NALF1: variants seen among roughly 807,000 people sequenced by gnomAD.
The protein encoded by NALF1 is NALCN channel auxiliary factor 1.
Under a neutral mutation model 48.4 loss-of-function variants are expected in NALF1, and 3 were observed. The observed-to-expected ratio is 0.06, with a 90% CI of 0.03 to 0.16. NALF1 has a LOEUF of 0.16. NALF1 is among the 10% of genes least tolerant of loss of function. The probability of loss-of-function intolerance (pLI) is 1.00; values close to 1 mark genes in which losing one functional copy is unlikely to be tolerated. For synonymous variants in NALF1, 262 were observed against 245.7 expected (o/e 1.07, Z -0.62); for missense variants, 526 against 571.5 (o/e 0.92, Z 0.81).
chr13:107,859,821 AG>A (rs1432441199), intron 1 of NALF1, among the ~76,000 whole-genome samples: 17 of 149,426 alleles, frequency 1.1e-4, no homozygotes, highest in African/African-American at 3.7e-4. Flanking sequence ...AGACTGAGGC[AG>A]GAGAATCGCT....
chr13:107,612,337 G>A (rs2138433571), intron 1 of NALF1, among the ~76,000 whole-genome samples: 1 of 152,194 alleles, frequency 6.6e-6, no homozygotes, highest in East Asian at 1.9e-4. Context: ...ACGTTCTAGA[G>A]ATCTGTTGTA....
intron 1 of NALF1, among the ~76,000 whole-genome samples, chr13:107,403,123 G>A (rs187465921): frequency 1.4e-5 from 2 of 141,930 alleles, no homozygotes; most frequent in Admixed American, 7.2e-5. Flanking sequence ...GGCTCACAAA[G>A]GACTAGTGTC....
intron 1 of NALF1, among the ~76,000 whole-genome samples, chr13:107,725,148 T>C (rs1011733696): frequency 5.2e-4 from 79 of 152,330 alleles, no homozygotes; most frequent in African/African-American, 1.9e-3. Context: ...GATAATCAGA[T>C]TTATTTTTGT....
At chr13:107,765,685 A>C (rs1158966298) in intron 1 of NALF1, among the ~76,000 whole-genome samples, 1 of 152,152 alleles carries the variant, frequency 6.6e-6, no homozygotes, top group Non-Finnish European at 1.5e-5. Context: ...TTTATTTATA[A>C]TAAATGGAAA....
intron 1 of NALF1, among the ~76,000 whole-genome samples, chr13:107,745,084 C>T (rs1464086000): frequency 1.3e-5 from 2 of 152,196 alleles, no homozygotes; most frequent in African/African-American, 2.4e-5. Context: ...AATAGATATT[C>T]CAGTCCACGG....
intron 1 of NALF1, among the ~76,000 whole-genome samples, chr13:107,504,871 C>A (rs115909637): frequency 6.6e-6 from 1 of 152,170 alleles, no homozygotes; most frequent in South Asian, 2.1e-4. Flanking sequence ...TCTCCAGACA[C>A]GTCTGTCTAC....
intron 1 of NALF1, among the ~76,000 whole-genome samples, chr13:107,236,804 AT>A (rs1880359817): frequency 6.6e-6 from 1 of 152,122 alleles, no homozygotes; most frequent in Non-Finnish European, 1.5e-5. Context: ...CAAATAAAAA[AT>A]ATTTGGAAAA....
intron 1 of NALF1, among the ~76,000 whole-genome samples, chr13:107,765,680 T>G (rs1877400016): frequency 6.6e-6 from 1 of 152,136 alleles, no homozygotes; most frequent in African/African-American, 2.4e-5. Flanking sequence ...TCCTTTTTAT[T>G]TATAATAAAT....
chr13:107,571,725 T>C (rs1877992050), intron 1 of NALF1, among the ~76,000 whole-genome samples: 3 of 152,134 alleles, frequency 2.0e-5, no homozygotes, highest in Admixed American at 6.5e-5. Flanking sequence ...AATGAGCCAA[T>C]AATGTGTGTG....
At chr13:107,561,413 T>C (rs150814491) in intron 1 of NALF1, among the ~76,000 whole-genome samples, 15 of 152,324 alleles carry the variant, frequency 9.8e-5, no homozygotes, top group Non-Finnish European at 2.2e-4. Flanking sequence ...TTTCTTATGT[T>C]ACCTTGTGAT....
intron 1 of NALF1, among the ~76,000 whole-genome samples, chr13:107,457,223 G>T (rs1884838572): frequency 1.3e-5 from 2 of 152,084 alleles, no homozygotes; most frequent in African/African-American, 4.8e-5. Context: ...ATCACAAATG[G>T]TAATAGCATT....
At chr13:107,200,932 T>C (rs1029699588) in intron 2 of NALF1, among the ~76,000 whole-genome samples, 4 of 152,172 alleles carry the variant, frequency 2.6e-5, no homozygotes, top group Non-Finnish European at 4.4e-5. Flanking sequence ...ACTCTGAGGT[T>C]GAACCTTAAG....
intron 1 of NALF1, among the ~76,000 whole-genome samples, chr13:107,852,670 G>A (rs1250447838): frequency 2.6e-5 from 4 of 152,128 alleles, no homozygotes; most frequent in South Asian, 2.1e-4. Flanking sequence ...ATGGGCAACC[G>A]AGAAAATGGT....
rs545850278 is a variant in NALF1 at position 107,707,053 on chromosome 13, G to A, written c.915+158629C>T. Among the ~76,000 whole-genome samples the A allele has an allele frequency of 3.4e-5, 5 of 146,280 alleles. No individual in the cohort carries two copies. The East Asian group carries it at 1.0e-3, about 30-fold the overall frequency. On this transcript the variant is annotated intron_variant, in intron 1 of 2. Coordinates refer to ENST00000375915, the MANE Select transcript of NALF1 (RefSeq NM_001080396.3). ...TTCTCCTGCCTCAGCCTCCCAAGTA[G>A]CTGGGACTACAGGCGCCCGCCACTA...
intron 1 of NALF1, among the ~76,000 whole-genome samples, chr13:107,535,260 G>A (rs1876766308): frequency 6.6e-6 from 1 of 152,072 alleles, no homozygotes; most frequent in Non-Finnish European, 1.5e-5. Flanking sequence ...TCTTGTGCCA[G>A]TTTTCCAAGG....
At chr13:107,275,207 GTAAAT>G (rs139327799) in intron 1 of NALF1, among the ~76,000 whole-genome samples, 232 of 152,136 alleles carry the variant, frequency 1.5e-3, no homozygotes, top group Admixed American at 5.5e-3. Context: ...CTTTTTTAAA[GTAAAT>G]TATTTTAAAG....
At chr13:107,457,617 T>C (rs919925725) in intron 1 of NALF1, among the ~76,000 whole-genome samples, 1 of 152,226 alleles carries the variant, frequency 6.6e-6, no homozygotes, top group Admixed American at 6.5e-5. Flanking sequence ...AAAGATAAAT[T>C]AAAACATATA....
intron 1 of NALF1, among the ~76,000 whole-genome samples, chr13:107,318,645 A>G (rs376252025): frequency 9.9e-5 from 15 of 152,206 alleles, no homozygotes; most frequent in African/African-American, 3.6e-4. Context: ...CAACTTGGAA[A>G]TACTCATCAA....
rs181705547 is a variant in NALF1 at position 107,786,268 on chromosome 13, T to C, written c.915+79414A>G. Among the ~76,000 whole-genome samples, 717 of 151,186 alleles carry C rather than the reference T, an allele frequency of 4.7e-3. 6 individuals carry two copies. The highest frequency in any genetic ancestry group is 0.017 in the Middle Eastern group (5 of 286). On this transcript the variant is annotated intron_variant, in intron 1 of 2. Coordinates refer to ENST00000375915, the MANE Select transcript of NALF1 (RefSeq NM_001080396.3). Reference sequence around the variant, plus strand: ...GCCATCTCTACTAAAAATACAAAATTAGCTGAGCGTGGTGGTGCATGCCTG... The same window carrying C: ...GCCATCTCTACTAAAAATACAAAATCAGCTGAGCGTGGTGGTGCATGCCTG...
Sources: allele counts gnomAD v4.1 joint callset (sites outside exome capture counted in the v4.1 genomes callset), GRCh38; gene constraint gnomAD v4.1.1; transcripts MANE v1.5; gene names NCBI Gene and HGNC (gene_info 2026-07-23, HGNC 2026-07-21).